The following ETFDH variants were observed in gnomAD, a reference collection of about 807,000 sequenced individuals.
ETFDH encodes electron transfer flavoprotein dehydrogenase, also known as electron transfer flavoprotein-ubiquinone oxidoreductase, mitochondrial.
In ETFDH, 61 loss-of-function variants were observed where a neutral mutation model predicts 73.2. The ratio of observed to expected loss-of-function variants is 0.83; its 90% CI spans 0.68 to 1.03. The LOEUF (loss-of-function observed/expected upper bound fraction) is 1.03, where lower values mean the gene tolerates loss of function less well. ETFDH is among the 50% of genes least tolerant of loss of function. The pLI, the probability that ETFDH is intolerant of heterozygous loss-of-function variation, is 0.00. For synonymous variants in ETFDH, 243 were observed against 253.3 expected, an observed-to-expected ratio of 0.96 and a Z score of 0.39; for missense variants, 685 against 745.0, an observed-to-expected ratio of 0.92 and a Z score of 0.94.
chr4:158,705,442 A>G (rs1011588849), intron 10 of ETFDH, among the ~76,000 whole-genome samples: 5 of 152,352 alleles, frequency 3.3e-5, no homozygotes, highest in African/African-American at 4.8e-5. Context: ...TTAACTAATT[A>G]TATCTACAGC....
intron 1 of ETFDH, among the ~76,000 whole-genome samples, chr4:158,676,402 C>A (rs867486165): frequency 6.6e-6 from 1 of 152,036 alleles, no homozygotes; most frequent in African/African-American, 2.4e-5. Flanking sequence ...TGATGTTATC[C>A]CCAGGAGCAA....
chr4:158,695,503 T>C lies in ETFDH; in HGVS notation c.691T>C (p.Phe231Leu). ...IQKDGAPKAT[F>L]ERGLELHAKV... ...ACATGTTTTTGCTTTTCAGGCAACA[T>C]TTGAGAGAGGACTGGAACTACATGC... The change falls in exon 7 of 13, where the codon TTT becomes CTT. Residue 231 changes from phenylalanine (F) to leucine (L), a missense_variant. Physicochemically the swap from Phe to Leu is conservative, Grantham distance 22 (BLOSUM62 0). Coordinates refer to ENST00000511912, the MANE Select transcript of ETFDH (RefSeq NM_004453.4). The C allele has an allele frequency of 6.2e-7, 1 of 1,612,670 alleles. No homozygotes were observed. The highest frequency in any genetic ancestry group is 8.5e-7 in the Non-Finnish European group (1 of 1,178,940).
At chr4:158,690,922 A>G (rs907448386) in intron 6 of ETFDH, among the ~76,000 whole-genome samples, 4 of 152,048 alleles carry the variant, frequency 2.6e-5, no homozygotes, top group Admixed American at 6.5e-5. Flanking sequence ...TTAAAATGTC[A>G]AAAAATGTGG....
chr4:158,698,323 A>G (rs570806119), intron 8 of ETFDH, among the ~76,000 whole-genome samples: 27 of 152,298 alleles, frequency 1.8e-4, no homozygotes, highest in African/African-American at 6.0e-4. Context: ...TTTATGTGTT[A>G]CTGGTGTTTT....
chr4:158,700,572 G>GCACA (rs70962624), intron 9 of ETFDH: 15 of 145,716 alleles, frequency 1.0e-4, no homozygotes, highest in African/African-American at 3.4e-4. Context: ...ACACACACAC[G>GCACA]CACACACACA....
chr4:158,703,895 G>C (rs1474143143), intron 10 of ETFDH, among the ~76,000 whole-genome samples: 1 of 152,140 alleles, frequency 6.6e-6, no homozygotes, highest in Non-Finnish European at 1.5e-5. Context: ...TCAGGAGCTC[G>C]AGACTAGCCT....
At chr4:158,674,173 C>T (rs906698494) in intron 1 of ETFDH, among the ~76,000 whole-genome samples, 10 of 151,970 alleles carry the variant, frequency 6.6e-5, no homozygotes, top group Non-Finnish European at 8.8e-5. Flanking sequence ...TTTAAATATT[C>T]GTTATAGTGT....
At position 158,704,240 on chromosome 4, in the gene ETFDH, A is replaced by G. The variant is rs184904948; in HGVS notation, c.1285+649A>G. On this transcript the variant is annotated intron_variant, in intron 10 of 12. Coordinates refer to ENST00000511912, the MANE Select transcript of ETFDH (RefSeq NM_004453.4). ...CAAATACCTAAGTATCAATAGAACA[A>G]ACACCTTTACAAAAGGCAGAATTAG... Among the ~76,000 whole-genome samples the G allele has an allele frequency of 3.9e-5, 6 of 152,370 alleles. No individual in the cohort carries two copies. The East Asian group carries it at 9.6e-4, about 24-fold the overall frequency.
chr4:158,674,085 T>A (rs890262938), intron 1 of ETFDH, among the ~76,000 whole-genome samples: 6 of 152,220 alleles, frequency 3.9e-5, no homozygotes, highest in African/African-American at 1.4e-4. Context: ...TAGAAATAGT[T>A]TGTCATATGT....
At position 158,682,372 on chromosome 4, in the gene ETFDH, G is replaced by C; in HGVS notation, c.353G>C (p.Cys118Ser). 6.2e-7 allele frequency: 1 copy of C among 1,614,178 alleles called. No individual in the cohort carries two copies. Among genetic ancestry groups the C allele is most frequent in the Non-Finnish European group, 8.5e-7 (1 of 1,180,014 alleles). Residue 118 changes from cysteine (C) to serine (S), a missense_variant, in exon 3 of 13, where the codon TGC becomes TCC. Coordinates refer to ENST00000511912, the MANE Select transcript of ETFDH (RefSeq NM_004453.4). The part of the protein sequence containing the change: ...QIGAHTLSGA[C>S]LDPGAFKELF... ...GGAGCTCATACTCTCTCAGGGGCTTGCCTTGATCCAGGTGCTTTTAAAGAA... is the reference window on the plus strand; with the variant it reads ...GGAGCTCATACTCTCTCAGGGGCTTCCCTTGATCCAGGTGCTTTTAAAGAA...
intron 9 of ETFDH, among the ~76,000 whole-genome samples, chr4:158,700,029 G>C (rs1284828157): frequency 1.3e-5 from 2 of 152,140 alleles, no homozygotes; most frequent in Non-Finnish European, 2.9e-5. Flanking sequence ...GTAAAATAAA[G>C]ATGATCCCTC....
intron 2 of ETFDH, 130 bp downstream of exon 2, chr4:158,680,737 A>AT (rs1189084534): frequency 1.3e-6 from 1 of 750,348 alleles, no homozygotes; most frequent in Non-Finnish European, 2.3e-6. Flanking sequence ...ACCAAGTCAC[A>AT]TGCTGCATAA....
In ETFDH at chr4:158,690,426, G is replaced by GTAAACCT. The variant is rs773592713; in HGVS notation, c.684+3_684+9dup. 2.1e-5 allele frequency: 32 copies of GTAAACCT among 1,539,748 alleles called. No homozygotes were observed. The Admixed American group carries it at 5.3e-4, about 26-fold the overall frequency. On this transcript the variant is annotated splice_donor_variant, in intron 6 of 12. Coordinates refer to ENST00000511912, the MANE Select transcript of ETFDH (RefSeq NM_004453.4). LOFTEE classifies it high-confidence loss of function. ...GATACAAAAGGATGGTGCACCAAAG[G>GTAAACCT]TAAACCTTTTTAATAGTTACGTGCT...
rs878872241 is a variant in ETFDH at position 158,684,794 on chromosome 4, T to TA, written c.487+122dup. On this transcript the variant is annotated intron_variant, in intron 4 of 12. Coordinates refer to ENST00000511912, the MANE Select transcript of ETFDH (RefSeq NM_004453.4). Reference sequence around the variant, plus strand: ...CTGAGACCCAGATATTTGAAGGACTTACTCAAAGCTATACAGCTAGCTGGT... The same window carrying TA: ...CTGAGACCCAGATATTTGAAGGACTTAACTCAAAGCTATACAGCTAGCTGGT... 21 of 727,258 alleles carry TA rather than the reference T, an allele frequency of 2.9e-5. No homozygotes were observed. In the South Asian group the frequency reaches 3.1e-4, roughly 11 times the overall value. The allele number at this position is 727,258 out of a possible 1,614,324, so 45.1% of individuals were successfully genotyped here.
rs765147554 is a variant in ETFDH, at chr4:158,689,636, A to ATATATATATATATATATATT, written c.607-711_607-710insATATATATATATATATATTT. On this transcript the variant is annotated intron_variant, in intron 5 of 12. Coordinates refer to ENST00000511912, the MANE Select transcript of ETFDH (RefSeq NM_004453.4). ...TATATATATATATATATATATATAT[A>ATATATATATATATATATATT]TTGTGGGGGGGTGGGTTCATATCCA... Among the ~76,000 whole-genome samples, 52 of 63,662 alleles carry ATATATATATATATATATATT rather than the reference A, an allele frequency of 8.2e-4. 8 individuals are homozygous for ATATATATATATATATATATT. The highest frequency in any genetic ancestry group is 1.8e-3 in the African/African-American group (30 of 16,336). The allele number at this position is 63,662 out of a possible 152,430, so 41.8% of individuals were successfully genotyped here.
chr4:158,706,498 G>A, intron 11 of ETFDH, 127 bp downstream of exon 11: 2 of 1,093,272 alleles, frequency 1.8e-6, no homozygotes, highest in South Asian at 2.5e-5. Flanking sequence ...TCTAAGAACA[G>A]TATATTATTA....
intron 5 of ETFDH, among the ~76,000 whole-genome samples, chr4:158,689,760 A>AT (rs979515583): frequency 2.1e-4 from 31 of 151,056 alleles, no homozygotes; most frequent in Non-Finnish European, 3.4e-4. Flanking sequence ...TCCAGCGAGC[A>AT]TTTTCCTCCA....
chr4:158,683,939 CTCT>C (rs1773932340), intron 3 of ETFDH, among the ~76,000 whole-genome samples: 1 of 152,124 alleles, frequency 6.6e-6, no homozygotes, highest in Non-Finnish European at 1.5e-5. Context: ...AATAAAACTT[CTCT>C]TACCTTTCAC....
chr4:158,675,121 T>A (rs1464100960), intron 1 of ETFDH, among the ~76,000 whole-genome samples: 1 of 152,230 alleles, frequency 6.6e-6, no homozygotes, highest in Non-Finnish European at 1.5e-5. Flanking sequence ...TGGTTTTTAG[T>A]ATAGTCAGAG....
Sources: gnomAD v4.1 joint callset for allele counts (sites outside exome capture counted in the v4.1 genomes callset) on GRCh38, gnomAD v4.1.1 for gene constraint, MANE v1.5 for transcripts, NCBI Gene and HGNC (gene_info 2026-07-23, HGNC 2026-07-21) for gene names.